The following PRKN variants were observed in gnomAD, a reference collection of about 807,000 sequenced individuals.
PRKN encodes parkin RBR E3 ubiquitin protein ligase, also known as E3 ubiquitin-protein ligase parkin.
PRKN carries 56 observed loss-of-function variants against 59.5 expected under a neutral mutation model. The ratio of observed to expected loss-of-function variants is 0.94; its 90% confidence interval spans 0.76 to 1.18. PRKN has a LOEUF of 1.18. PRKN is among the 50% of genes most tolerant of loss of function. PRKN has a pLI of 0.00. For synonymous variants in PRKN, 250 were observed against 222.1 expected (o/e 1.13, Z -1.12); for missense variants, 657 against 596.4 (o/e 1.10, Z -1.06).
intron 2 of PRKN, among the ~76,000 whole-genome samples, chr6:162,374,040 G>A (rs1261696472): frequency 6.6e-6 from 1 of 152,206 alleles, no homozygotes; most frequent in Non-Finnish European, 1.5e-5. Context: ...ATTGGAACAA[G>A]AGGAGGTTAT....
rs1781255379 is a variant in PRKN, at chr6:161,579,407, G to A, written c.872-9991C>T. Among the ~76,000 whole-genome samples, 1 of 152,160 alleles carries A rather than the reference G, an allele frequency of 6.6e-6. No homozygotes were observed. Among genetic ancestry groups the A allele is most frequent in the African/African-American group, 2.4e-5 (1 of 41,434 alleles). On this transcript the variant is annotated intron_variant, in intron 7 of 11. Coordinates refer to ENST00000366898, the MANE Select transcript of PRKN (RefSeq NM_004562.3). This position sits in a 1 kb window ranked among gnomAD's most constrained non-coding sequence, Gnocchi z 4.2. ...CATGGTTAATGAGGTTTCTTTAGGA[G>A]AAAAGAATTCTGAGTTCCAAACAAT... is the stretch of plus-strand genomic sequence containing the variant.
At chr6:162,693,586 G>T (rs558906698) in intron 1 of PRKN, among the ~76,000 whole-genome samples, 7 of 152,232 alleles carry the variant, frequency 4.6e-5, no homozygotes, top group South Asian at 4.1e-4. Context: ...TGGAAAAGGA[G>T]AATTATCCAG....
chr6:161,786,032 C>T, intron 6 of PRKN, 124 bp from the exon 7 acceptor site: 4 of 951,092 alleles, frequency 4.2e-6, no homozygotes, highest in Non-Finnish European at 4.9e-6. Flanking sequence ...AAGACCGGAG[C>T]TGCTAAGCAT....
At chr6:162,398,051 AAAAG>A (rs1299523493) in intron 2 of PRKN, among the ~76,000 whole-genome samples, 1 of 151,962 alleles carries the variant, frequency 6.6e-6, no homozygotes, top group Non-Finnish European at 1.5e-5. Flanking sequence ...AAAAAAAAAA[AAAAG>A]AAAGATTTTC....
At chr6:161,542,038 C>T (rs1016968421) in intron 9 of PRKN, among the ~76,000 whole-genome samples, 43 of 152,102 alleles carry the variant, frequency 2.8e-4, no homozygotes, top group Non-Finnish European at 1.3e-4. Context: ...AAGACCAACC[C>T]CTCCTCTTCC....
intron 1 of PRKN, among the ~76,000 whole-genome samples, chr6:162,554,547 G>T (rs1779473569): frequency 6.6e-6 from 1 of 151,756 alleles, no homozygotes; most frequent in Non-Finnish European, 1.5e-5. Context: ...AGAATTTGGA[G>T]AACTGGGGGT....
At chr6:162,018,270 C>T (rs980945919) in intron 5 of PRKN, among the ~76,000 whole-genome samples, 3 of 152,168 alleles carry the variant, frequency 2.0e-5, no homozygotes, top group African/African-American at 7.2e-5. Flanking sequence ...TCGTGATCCA[C>T]CTGCCTCGGC....
chr6:162,357,640 T>C (rs1784931979), intron 2 of PRKN, among the ~76,000 whole-genome samples: 1 of 152,180 alleles, frequency 6.6e-6, no homozygotes, highest in Admixed American at 6.6e-5. Context: ...TTTATTCATA[T>C]CTGGACAATA....
chr6:161,452,043 C>G (rs995276370), intron 9 of PRKN, among the ~76,000 whole-genome samples: 15 of 151,892 alleles, frequency 9.9e-5, no homozygotes, highest in Non-Finnish European at 2.2e-4. Context: ...GCACCCTCCC[C>G]CTCCCGGGTT....
rs1779491394 is a variant in PRKN at position 161,538,049 on chromosome 6, T to C, written c.1083+10805A>G. 6.6e-6 allele frequency among the ~76,000 whole-genome samples: 1 copy of C among 152,200 alleles called. No individual in the cohort carries two copies. The highest frequency in any genetic ancestry group is 2.4e-5 in the African/African-American group (1 of 41,442). On this transcript the variant is annotated intron_variant, in intron 9 of 11. Transcript: ENST00000366898. This position sits in a 1 kb window ranked among gnomAD's most constrained non-coding sequence, Gnocchi z 4.2. ...TGTGTCAGGAACAATATTATTTCTG[T>C]CTGAAGGAGAGTAACAGGCAACTTT...
At chr6:162,379,353 G>A (rs1786303472) in intron 2 of PRKN, among the ~76,000 whole-genome samples, 1 of 152,112 alleles carries the variant, frequency 6.6e-6, no homozygotes, top group Non-Finnish European at 1.5e-5. Context: ...GAAAGGCCCA[G>A]ATCTATGAAT....
chr6:162,168,808 G>T (rs185466019), intron 4 of PRKN, among the ~76,000 whole-genome samples: 1 of 152,010 alleles, frequency 6.6e-6, no homozygotes, highest in Non-Finnish European at 1.5e-5. Context: ...AATCTATGAC[G>T]CAGGGAAAAT....
chr6:161,930,609 T>C (rs1779137288), intron 6 of PRKN, among the ~76,000 whole-genome samples: 1 of 152,184 alleles, frequency 6.6e-6, no homozygotes, highest in African/African-American at 2.4e-5. Context: ...ACTGAATCAT[T>C]GTGGTAGGCA....
Position 161,446,802 on chromosome 6 carries a change from C to T in PRKN, c.1084-59925G>A, listed in dbSNP as rs990175974. 6.6e-6 allele frequency among the ~76,000 whole-genome samples: 1 copy of T among 152,152 alleles called. No individual in the cohort carries two copies. ...TGGGAGGTGGCAACTGCAGAACAGA[C>T]AGCTCTTTGGATTTCTTTAAATTGC... On this transcript the variant is annotated intron_variant, in intron 9 of 11. Transcript: ENST00000366898. The surrounding 1 kb of genome is among the most constrained non-coding windows in gnomAD (Gnocchi z 6.2).
intron 2 of PRKN, among the ~76,000 whole-genome samples, chr6:162,272,093 C>T (rs1641021867): frequency 2.0e-5 from 3 of 152,094 alleles, no homozygotes; most frequent in Admixed American, 2.0e-4. Flanking sequence ...GATCCTACAC[C>T]AGAGGGGCTC....
chr6:161,943,968 C>G (rs1384691132), intron 6 of PRKN, among the ~76,000 whole-genome samples: 1 of 146,890 alleles, frequency 6.8e-6, no homozygotes, highest in African/African-American at 2.6e-5. Flanking sequence ...CTTGAGGAAG[C>G]AGCCTGAGGA....
rs1389935367 is a variant in PRKN, at chr6:161,362,652, A to G, written c.1168-2447T>C. Among the ~76,000 whole-genome samples the G allele has an allele frequency of 6.6e-6, 1 of 152,236 alleles. No homozygotes were observed. Among genetic ancestry groups the G allele is most frequent in the Non-Finnish European group, 1.5e-5 (1 of 68,040 alleles). The stretch of plus-strand genomic sequence containing the variant: ...ACACGAGGGTTGGTGAAAAGAATTC[A>G]TCCTATCTGATTAGCTTTAAAAAAC... On this transcript the variant is annotated intron_variant, in intron 10 of 11. Coordinates refer to ENST00000366898, the MANE Select transcript of PRKN (RefSeq NM_004562.3). The surrounding 1 kb of genome is among the most constrained non-coding windows in gnomAD (Gnocchi z 5.2).
intron 9 of PRKN, among the ~76,000 whole-genome samples, chr6:161,420,227 G>T (rs776902229): frequency 1.4e-5 from 2 of 141,242 alleles, no homozygotes; most frequent in Non-Finnish European, 3.0e-5. Context: ...GCGACAGAGC[G>T]AGACTATGTC....
intron 6 of PRKN, among the ~76,000 whole-genome samples, chr6:161,812,279 G>C (rs1791595286): frequency 6.6e-6 from 1 of 152,012 alleles, no homozygotes; most frequent in Non-Finnish European, 1.5e-5. Flanking sequence ...TGTAGTCCCA[G>C]ATACTCAGGA....
Sources: gnomAD v4.1 joint callset for allele counts (sites outside exome capture counted in the v4.1 genomes callset) on GRCh38, gnomAD v4.1.1 for gene constraint, Gnocchi (gnomAD v3.1) non-coding constraint, MANE v1.5 for transcripts, NCBI Gene and HGNC (gene_info 2026-07-23, HGNC 2026-07-21) for gene names.